METTL15: variants seen among roughly 807,000 people sequenced by gnomAD.
METTL15 encodes the protein methyltransferase 15, mitochondrial 12S rRNA N4-cytidine.
Under a neutral mutation model 38.3 loss-of-function variants are expected in METTL15, and 34 were observed. That is an observed-to-expected ratio of 0.89 (90% CI 0.68 to 1.18). The LOEUF is 1.18. Ranked by LOEUF, METTL15 falls within the 50% of genes most tolerant of loss-of-function variation. The pLI is 0.00. For synonymous variants in METTL15, 162 were observed against 170.9 expected, an observed-to-expected ratio of 0.95 and a Z score of 0.41; for missense variants, 438 against 498.4, an observed-to-expected ratio of 0.88 and a Z score of 1.15.
chr11:28,363,064 A>T (rs1186424790), intron 5 of METTL15, among the ~76,000 whole-genome samples: 1 of 152,204 alleles, frequency 6.6e-6, no homozygotes, highest in Non-Finnish European at 1.5e-5. Flanking sequence ...CTGATGTGAG[A>T]TAGTATATAA....
intron 3 of METTL15, among the ~76,000 whole-genome samples, chr11:28,130,403 A>T (rs1216024437): frequency 1.3e-5 from 2 of 152,168 alleles, no homozygotes. Flanking sequence ...TTATAATCCA[A>T]TAGGTAGGAT....
At chr11:28,503,505 G>C (rs963980084) in intron 6 of METTL15, among the ~76,000 whole-genome samples, 2 of 152,184 alleles carry the variant, frequency 1.3e-5, no homozygotes, top group Non-Finnish European at 2.9e-5. Flanking sequence ...TAAAGATTCA[G>C]ACCCAGGCTG....
chr11:28,120,632 A>G (rs1394755093), intron 3 of METTL15, among the ~76,000 whole-genome samples: 1 of 151,966 alleles, frequency 6.6e-6, no homozygotes, highest in Non-Finnish European at 1.5e-5. Context: ...TATTTCTTCA[A>G]CTTCTGTTTC....
chr11:28,347,418 C>G (rs1850005385), intron 3 of METTL15, among the ~76,000 whole-genome samples: 1 of 152,212 alleles, frequency 6.6e-6, no homozygotes, highest in Non-Finnish European at 1.5e-5. Flanking sequence ...GTCAGACTTA[C>G]ATTACAATCT....
rs12290053 is a variant in METTL15 at position 28,329,391 on chromosome 11, A to G, written c.779-1005A>G. ...GAAATTCATAAATGTAAGTCCTGCT[A>G]CTTTATTCTTTTTTTTCTTTCAAGA... On this transcript the variant is annotated intron_variant, in intron 6 of 6. Transcript: ENST00000407364. Among the ~76,000 whole-genome samples the G allele has an allele frequency of 2.2e-3, 339 of 152,218 alleles. 2 individuals are homozygous for G. Among genetic ancestry groups the G allele is most frequent in the African/African-American group, 7.3e-3 (303 of 41,550 alleles).
downstream of METTL15, chr11:28,333,555 T>C (rs1222250939): frequency 6.6e-6 from 1 of 152,158 alleles, no homozygotes; most frequent in Non-Finnish European, 1.5e-5. Context: ...ATCAATGTCA[T>C]TGTGTAGTAC....
At position 28,514,023 on chromosome 11, in the gene METTL15, A is replaced by G. The variant is rs533213028; in HGVS notation, c.*425-12455A>G. On this transcript the variant is annotated intron_variant and NMD_transcript_variant, in intron 6 of 7. Transcript: ENST00000532947. The stretch of plus-strand genomic sequence containing the variant: ...TTCCCAACAATGGGGATCTTGGAGA[A>G]ACTCGAGGGAAGGTACATGATGTGT... Among the ~76,000 whole-genome samples the G allele has an allele frequency of 4.6e-5, 7 of 152,342 alleles. No homozygotes were observed. In the East Asian group the frequency reaches 1.3e-3, roughly 29 times the overall value.
chr11:28,512,197 T>A (rs1407521161), intron 6 of METTL15, among the ~76,000 whole-genome samples: 1 of 152,060 alleles, frequency 6.6e-6, no homozygotes, highest in Non-Finnish European at 1.5e-5. Context: ...TGTTGATTGG[T>A]GCATTTACAA....
intron 6 of METTL15, among the ~76,000 whole-genome samples, chr11:28,518,211 C>T (rs1851734825): frequency 6.6e-6 from 1 of 152,114 alleles, no homozygotes; most frequent in Non-Finnish European, 1.5e-5. Context: ...TACAGGATCT[C>T]ATCTCTGTTG....
intron 6 of METTL15, among the ~76,000 whole-genome samples, chr11:28,451,196 A>T (rs1394011967): frequency 6.6e-6 from 1 of 152,182 alleles, no homozygotes; most frequent in Non-Finnish European, 1.5e-5. Context: ...CACGTCCCAG[A>T]CTACTACAGT....
intron 3 of METTL15, among the ~76,000 whole-genome samples, chr11:28,174,941 T>A (rs11603799): frequency 0.38 from 43,476 of 115,114 alleles, 7,078 homozygotes; most frequent in African/African-American, 0.46. Flanking sequence ...ACTTTATTTT[T>A]ATTTTATTAT....
intron 4 of METTL15, among the ~76,000 whole-genome samples, chr11:28,287,009 CTATATA>C (rs35117728): frequency 6.8e-6 from 1 of 147,790 alleles, no homozygotes; most frequent in Admixed American, 6.8e-5. Flanking sequence ...ATTCTCCACA[CTATATA>C]TATATATATG....
chr11:28,207,920 A>G (rs1852432299), intron 3 of METTL15, among the ~76,000 whole-genome samples: 1 of 152,036 alleles, frequency 6.6e-6, no homozygotes, highest in Admixed American at 6.6e-5. Flanking sequence ...ATATTCTCTG[A>G]TGGTAGTTTG....
chr11:28,113,553 T>C lies in METTL15; in HGVS notation c.219T>C (p.Ile73=). The C allele has an allele frequency of 1.2e-6, 2 of 1,613,594 alleles. No individual in the cohort carries two copies. Among genetic ancestry groups the C allele is most frequent in the Non-Finnish European group, 1.7e-6 (2 of 1,179,842 alleles). ...TTGAAACTATGGCTAAATTACATATTCCAGTAATGGTGGATGAAGTTGTTC... is the reference window on the plus strand; with the variant it reads ...TTGAAACTATGGCTAAATTACATATCCCAGTAATGGTGGATGAAGTTGTTC... ...RDFETMAKLH[I]PVMVDEVVHC... The change falls in exon 3 of 7, where the codon ATT becomes ATC. Residue 73 remains isoleucine (I), a synonymous_variant. Coordinates refer to ENST00000407364, the MANE Select transcript of METTL15 (RefSeq NM_001113528.2).
At chr11:28,279,803 GC>G (rs1199888151) in intron 4 of METTL15, among the ~76,000 whole-genome samples, 2 of 151,906 alleles carry the variant, frequency 1.3e-5, no homozygotes, top group African/African-American at 4.8e-5. Flanking sequence ...GGAGGCTGAG[GC>G]AGGAGAATCG....
Position 28,298,678 on chromosome 11 carries a change from T to C in METTL15, c.778+1747T>C, listed in dbSNP as rs1856818697. On this transcript the variant is annotated intron_variant, in intron 6 of 6. Coordinates refer to ENST00000407364, the MANE Select transcript of METTL15 (RefSeq NM_001113528.2). ...AAAAGTACATTAGAGCTATGAGAAA[T>C]GATACAGTAAAAGTGAAAATATTCA... Among the ~76,000 whole-genome samples the C allele has an allele frequency of 2.6e-5, 4 of 152,036 alleles. No homozygotes were observed. The South Asian group carries it at 8.3e-4, about 31-fold the overall frequency.
At chr11:28,402,907 C>T (rs1346973405) in intron 5 of METTL15, among the ~76,000 whole-genome samples, 1 of 151,858 alleles carries the variant, frequency 6.6e-6, no homozygotes, top group Non-Finnish European at 1.5e-5. Context: ...TATTTTTTAG[C>T]TCCCACTTAT....
chr11:28,277,173 G>A (rs1211374728), intron 4 of METTL15, among the ~76,000 whole-genome samples: 2 of 152,114 alleles, frequency 1.3e-5, no homozygotes, highest in East Asian at 3.9e-4. Context: ...ACAGTAAGGA[G>A]ATTTCTTCAA....
chr11:28,197,314 T>C (rs1007329417), intron 3 of METTL15: 1 of 200,456 alleles, frequency 5.0e-6, no homozygotes, highest in African/African-American at 2.3e-5. Context: ...AAATATCTTT[T>C]GTATTGCTAA....
Sources: allele counts gnomAD v4.1 joint callset (sites outside exome capture counted in the v4.1 genomes callset), GRCh38; gene constraint gnomAD v4.1.1; transcripts MANE v1.5; gene names NCBI Gene and HGNC (gene_info 2026-07-23, HGNC 2026-07-21).